The following FREM1 variants were observed in gnomAD, a reference collection of about 807,000 sequenced individuals.
The protein encoded by FREM1 is FRAS1 related extracellular matrix 1.
A neutral mutation model predicts 210.1 loss-of-function variants in FREM1; 220 were observed. That is an observed-to-expected ratio of 1.05 (90% CI 0.94 to 1.17). FREM1 has a LOEUF of 1.17. Among genes scored for constraint, FREM1 ranks in the 50% most tolerant of loss-of-function variants. The pLI, the probability that FREM1 is intolerant of heterozygous loss-of-function variation, is 0.00. For synonymous variants in FREM1, 1,189 were observed against 980.2 expected (o/e 1.21, Z -3.98); for missense variants, 3,454 against 2,675.5 (o/e 1.29, Z -6.42).
chr9:14,762,755 A>ATTTTTTTTTTTT (rs34136678), intron 27 of FREM1, among the ~76,000 whole-genome samples: 4 of 137,926 alleles, frequency 2.9e-5, no homozygotes, highest in Non-Finnish European at 6.2e-5. Context: ...TTTGAATGTG[A>ATTTTTTTTTTTT]TTTTTTTTTT....
At chr9:14,906,743 A>G (rs983286446) in intron 1 of FREM1, among the ~76,000 whole-genome samples, 1 of 152,178 alleles carries the variant, frequency 6.6e-6, no homozygotes, top group African/African-American at 2.4e-5. Context: ...TGGCTCACAT[A>G]TTTTAAGAGA....
At chr9:14,889,527 G>A (rs1448913715) in intron 1 of FREM1, among the ~76,000 whole-genome samples, 1 of 152,222 alleles carries the variant, frequency 6.6e-6, no homozygotes, top group African/African-American at 2.4e-5. Context: ...TGGAAACCAA[G>A]GCTGGATGGG....
chr9:14,799,504 T>C (rs960460750), intron 20 of FREM1, among the ~76,000 whole-genome samples: 2 of 152,158 alleles, frequency 1.3e-5, no homozygotes, highest in Non-Finnish European at 2.9e-5. Context: ...AGGAAATTTT[T>C]ATTTTTTCTT....
chr9:14,789,441 C>T (rs923580968), intron 22 of FREM1, among the ~76,000 whole-genome samples: 3 of 152,146 alleles, frequency 2.0e-5, no homozygotes, highest in East Asian at 1.9e-4. Context: ...GGTGGGTAAT[C>T]GAGCTCTTGG....
chr9:14,805,733 G>C (rs1563971373), intron 18 of FREM1, among the ~76,000 whole-genome samples: 1 of 152,196 alleles, frequency 6.6e-6, no homozygotes, highest in South Asian at 2.1e-4. Context: ...CTTATATTCA[G>C]TCTCTTTCAT....
rs748690726 is a variant in FREM1, at chr9:14,836,869, G to A, written c.1881+4578C>T. 1.1e-4 allele frequency among the ~76,000 whole-genome samples: 17 copies of A among 152,080 alleles called. No homozygotes were observed. Among genetic ancestry groups the A allele is most frequent in the South Asian group, 2.1e-4 (1 of 4,830 alleles). On this transcript the variant is annotated intron_variant, in intron 10 of 36. Coordinates refer to ENST00000380880, the MANE Select transcript of FREM1 (RefSeq NM_001379081.2). The surrounding 1 kb of genome is among the most constrained non-coding windows in gnomAD (Gnocchi z 4.9). Reference sequence around the variant, plus strand: ...TAACTGCAGTTAGTGTGATATTGCCGCAGGGAGGAATGTGGTAGGAGTTAT... The same window carrying A: ...TAACTGCAGTTAGTGTGATATTGCCACAGGGAGGAATGTGGTAGGAGTTAT...
chr9:14,768,474 T>C (rs1235946951), intron 27 of FREM1, among the ~76,000 whole-genome samples: 1 of 152,140 alleles, frequency 6.6e-6, no homozygotes, highest in Non-Finnish European at 1.5e-5. Flanking sequence ...GTTTTACATT[T>C]TGTAATCTCG....
chr9:14,749,634 T>C (rs763050700), intron 30 of FREM1, among the ~76,000 whole-genome samples: 3 of 152,204 alleles, frequency 2.0e-5, no homozygotes, highest in Non-Finnish European at 4.4e-5. Context: ...GGCGCTGCCA[T>C]CCAAAGTCAT....
intron 18 of FREM1, among the ~76,000 whole-genome samples, chr9:14,805,831 G>T (rs1193572838): frequency 6.6e-6 from 1 of 152,060 alleles, no homozygotes; most frequent in Non-Finnish European, 1.5e-5. Context: ...TTTTTGTTTT[G>T]GTTGGTCTGT....
intron 22 of FREM1, among the ~76,000 whole-genome samples, chr9:14,789,572 T>G (rs1182604858): frequency 2.0e-5 from 3 of 152,168 alleles, no homozygotes; most frequent in Non-Finnish European, 4.4e-5. Flanking sequence ...TTGTCTGAAG[T>G]AGACAGAACA....
chr9:14,855,392 G>A (rs1828552277), intron 5 of FREM1, among the ~76,000 whole-genome samples: 1 of 152,034 alleles, frequency 6.6e-6, no homozygotes, highest in Non-Finnish European at 1.5e-5. Flanking sequence ...ATTTGAGGTA[G>A]ATTAAAAAGG....
At chr9:14,750,368 G>T in intron 29 of FREM1, 92 bp from the exon 30 acceptor site, 1 of 969,462 alleles carries the variant, frequency 1.0e-6, no homozygotes, top group Non-Finnish European at 1.5e-6. Context: ...TCTACAGCTA[G>T]ACTGCAGTAG....
chr9:14,841,407 G>A (rs1485062804), intron 10 of FREM1, 40 bp downstream of exon 10: 3 of 1,524,880 alleles, frequency 2.0e-6, no homozygotes, highest in African/African-American at 1.4e-5. Context: ...TGACACCTGT[G>A]CACAAGACTT....
chr9:14,889,835 G>A (rs1836478984), intron 1 of FREM1, among the ~76,000 whole-genome samples: 1 of 152,212 alleles, frequency 6.6e-6, no homozygotes, highest in Admixed American at 6.5e-5. Context: ...TAAGTGCCAT[G>A]TGACGTGGGA....
chr9:14,847,053 A>G (rs867051999), intron 7 of FREM1, among the ~76,000 whole-genome samples: 3 of 152,296 alleles, frequency 2.0e-5, no homozygotes, highest in South Asian at 2.1e-4. Flanking sequence ...GCCAGATAAC[A>G]CAATCTGGGC....
intron 1 of FREM1, among the ~76,000 whole-genome samples, chr9:14,889,310 C>G (rs972071539): frequency 6.6e-6 from 1 of 152,198 alleles, no homozygotes; most frequent in African/African-American, 2.4e-5. Flanking sequence ...CAACATTGCC[C>G]CTTTAATCTT....
intron 24 of FREM1, 116 bp from the exon 25 acceptor site, chr9:14,776,319 T>C (rs538120594): frequency 2.4e-6 from 3 of 1,238,024 alleles, no homozygotes; most frequent in African/African-American, 3.0e-5. Flanking sequence ...GTGACTCAAA[T>C]GAAAAATCAA....
rs1825693683 is a variant in FREM1, at chr9:14,841,510, A to G, written c.1818T>C (p.Phe606=). The stretch of plus-strand genomic sequence containing the variant: ...ACAGGACAAATTGAAAAGAATCTTC[A>G]AAGATTTCTCCACCAAAATGACGAT... ...IYYRHFGGEI[F]EDSFQFVLWD... is the part of the protein sequence containing the mutation. Residue 606 remains phenylalanine (F), a synonymous_variant, in exon 10 of 37, where the codon TTT becomes TTC. Coordinates refer to ENST00000380880, the MANE Select transcript of FREM1 (RefSeq NM_001379081.2). 8 of 1,612,586 alleles carry G rather than the reference A, an allele frequency of 5.0e-6. No individual in the cohort carries two copies. The highest frequency in any genetic ancestry group is 6.8e-6 in the Non-Finnish European group (8 of 1,178,998).
chr9:14,745,811 C>G (rs1842314710), intron 35 of FREM1, among the ~76,000 whole-genome samples: 1 of 152,192 alleles, frequency 6.6e-6, no homozygotes, highest in Admixed American at 6.5e-5. Flanking sequence ...CATTCTCTGA[C>G]CATAAGTTAT....
Sources: gnomAD v4.1 joint callset for allele counts (sites outside exome capture counted in the v4.1 genomes callset) on GRCh38, gnomAD v4.1.1 for gene constraint, Gnocchi (gnomAD v3.1) non-coding constraint, MANE v1.5 for transcripts, NCBI Gene and HGNC (gene_info 2026-07-23, HGNC 2026-07-21) for gene names.